The following MYO7A variants were observed in gnomAD, a reference collection of about 807,000 sequenced individuals.
MYO7A encodes myosin VIIA, also known as unconventional myosin-VIIa.
Under a neutral mutation model 263.8 loss-of-function variants are expected in MYO7A, and 210 were observed. That is an observed-to-expected ratio of 0.80 (90% confidence interval 0.71 to 0.89). The LOEUF (loss-of-function observed/expected upper bound fraction) is 0.89. Among genes scored for constraint, MYO7A ranks in the 40% least tolerant of loss-of-function variants. The probability of loss-of-function intolerance (pLI) is 0.00; values close to 1 mark genes in which losing one functional copy is unlikely to be tolerated. For missense variants in MYO7A, 2,820 were observed against 2,968.3 expected (o/e 0.95, Z 1.16); for synonymous variants, 1,239 against 1,197.3 (o/e 1.03, Z -0.72).
At chr11:77,169,134 C>T (rs1271702561) in intron 15 of MYO7A, among the ~76,000 whole-genome samples, 1 of 152,236 alleles carries the variant, frequency 6.6e-6, no homozygotes, top group East Asian at 1.9e-4. Flanking sequence ...TATTCAATGA[C>T]AGTGTACTAG....
chr11:77,211,269 C>G lies in MYO7A; in HGVS notation c.6169C>G (p.Pro2057Ala), dbSNP rs777852030. ...GGACAAGTCCTACTTCCCCAGCATC[C>G]CCAAGCTGCTGCGGGAGCTGGTGCC... ...EEDKSYFPSI[P>A]KLLRELVPQD... The change falls in exon 45 of 49, where the codon CCC becomes GCC. Residue 2057 changes from proline (P) to alanine (A), a missense_variant. Physicochemically the swap from Pro to Ala is conservative, Grantham distance 27. Coordinates refer to ENST00000409709, the MANE Select transcript of MYO7A (RefSeq NM_000260.4). The G allele has an allele frequency of 6.3e-7, 1 of 1,581,000 alleles. No individual in the cohort carries two copies.
chr11:77,192,934 T>TGGTGGAGGTAGTGATGGTGTTG (rs1956241538), intron 31 of MYO7A, among the ~76,000 whole-genome samples: 2 of 3,476 alleles, frequency 5.8e-4, no homozygotes, highest in African/African-American at 1.8e-3. Flanking sequence ...TGGTGTTGTT[T>TGGTGGAGGTAGTGATGGTGTTG]GTGATGGTGG....
In MYO7A at chr11:77,199,672, G is replaced by C. The variant is rs756907356; in HGVS notation, c.4706G>C (p.Ser1569Thr). The change falls in exon 35 of 49, where the codon AGC (serine) becomes ACC (threonine). Residue 1569 changes from serine (S) to threonine (T), a missense_variant. Ser to Thr is a moderately conservative substitution (Grantham distance 58). Coordinates refer to ENST00000409709, the MANE Select transcript of MYO7A (RefSeq NM_000260.4). Reference protein sequence around the residue: ...SCRGAKTTAPSFTLATIKGDE... With the variant: ...SCRGAKTTAPTFTLATIKGDE... ...AGGGGAGCGAAAACGACGGCCCCCA[G>C]CTTCACGCTGGCCACCATCAAGGGG... 1 of 1,613,292 alleles carries C rather than the reference G, an allele frequency of 6.2e-7. No homozygotes were observed. The highest frequency in any genetic ancestry group is 8.5e-7 in the Non-Finnish European group (1 of 1,179,806).
intron 4 of MYO7A, among the ~76,000 whole-genome samples, chr11:77,152,862 C>G (rs1039478635): frequency 1.3e-5 from 2 of 152,046 alleles, no homozygotes; most frequent in African/African-American, 4.8e-5. Flanking sequence ...AAGGAATTAT[C>G]TGGACGAAGG....
At position 77,147,826 on chromosome 11, in the gene MYO7A, C is replaced by G. The variant is rs782568869; in HGVS notation, c.161C>G (p.Thr54Arg). 6.2e-7 allele frequency: 1 copy of G among 1,610,504 alleles called. No homozygotes were observed. The highest frequency in any genetic ancestry group is 8.5e-7 in the Non-Finnish European group (1 of 1,178,970). ...NEHWISPQNA[T>R]HIKPMHPTSV... ...CACTGGATCTCTCCGCAGAACGCAACGCACATCAAGCCTATGCACCCCACG... is the reference window on the plus strand; with the variant it reads ...CACTGGATCTCTCCGCAGAACGCAAGGCACATCAAGCCTATGCACCCCACG... The change falls in exon 4 of 49, where the codon ACG (threonine) becomes AGG (arginine). Residue 54 changes from threonine (T) to arginine (R), a missense_variant. Physicochemically the swap from Thr to Arg is moderately conservative, Grantham distance 71. Transcript: ENST00000409709.
At chr11:77,182,978 C>T (rs895172242) in intron 25 of MYO7A, 90 bp from the exon 26 acceptor site, 9 of 1,130,910 alleles carry the variant, frequency 8.0e-6, no homozygotes, top group African/African-American at 4.6e-5. Context: ...CACGTGGAAG[C>T]GAGACGGTTC....
In MYO7A at chr11:77,179,738, C is replaced by A; in HGVS notation, c.2371C>A (p.Arg791Ser). 2 of 1,540,116 alleles carry A rather than the reference C, an allele frequency of 1.3e-6. No homozygotes were observed. Among genetic ancestry groups the A allele is most frequent in the Non-Finnish European group, 1.8e-6 (2 of 1,141,846 alleles). Residue 791 changes from arginine (R) to serine (S), a missense_variant, in exon 21 of 49, where the codon CGT (arginine) becomes AGT (serine). Coordinates refer to ENST00000409709, the MANE Select transcript of MYO7A (RefSeq NM_000260.4). ...CATGGGGTGGCTGTCCTTGCAGATG[C>A]GTCTGGGCTTCCTGCGGCTGCAGGC... ...HNCRKNYGLM[R>S]LGFLRLQALH...
chr11:77,156,637 C>A (rs782471604), intron 5 of MYO7A, 23 bp from the exon 6 acceptor site: 4 of 1,611,806 alleles, frequency 2.5e-6, no homozygotes, highest in Non-Finnish European at 3.4e-6. Context: ...TGTGACAGGT[C>A]CTGCCACTCC....
At chr11:77,193,367 A>C (rs1956372349) in intron 31 of MYO7A, among the ~76,000 whole-genome samples, 1 of 140,546 alleles carries the variant, frequency 7.1e-6, no homozygotes, top group Admixed American at 7.0e-5. Flanking sequence ...GTTGACAATG[A>C]CAGTGTTGTT....
At chr11:77,192,907 ATGG>A (rs1956221926) in intron 31 of MYO7A, among the ~76,000 whole-genome samples, 4 of 1,600 alleles carry the variant, frequency 2.5e-3, no homozygotes, top group African/African-American at 8.1e-3. Context: ...GGTGTTGGTG[ATGG>A]TGGAGGGTAG....
At chr11:77,164,109 C>T (rs941032384) in intron 14 of MYO7A, among the ~76,000 whole-genome samples, 3 of 152,176 alleles carry the variant, frequency 2.0e-5, no homozygotes, top group African/African-American at 7.2e-5. Context: ...GAAGACCGTG[C>T]ATCTTCTTTT....
At chr11:77,211,986 A>C in intron 46 of MYO7A, 49 bp downstream of exon 46, 1 of 1,458,780 alleles carries the variant, frequency 6.9e-7, no homozygotes, top group Non-Finnish European at 9.6e-7. Flanking sequence ...CAGGGCATTG[A>C]TAAAGCACAG....
At position 77,130,516 on chromosome 11, in the gene MYO7A, G is replaced by T. The variant is rs528175173; in HGVS notation, c.-46-73G>T. 5.7e-6 allele frequency: 7 copies of T among 1,222,680 alleles called. No individual in the cohort carries two copies. The African/African-American group carries it at 9.0e-5, about 16-fold the overall frequency. 75.7% of individuals were successfully genotyped at this position (1,222,680 alleles called of 1,614,324 possible). ...GAGCTGGGGCTTTGGGAGGAGCCCA[G>T]GTGACCCCAGCCAGGCTCAAGGCTT... is the stretch of plus-strand genomic sequence containing the variant. On this transcript the variant is annotated intron_variant, in intron 1 of 48. Transcript: ENST00000409709.
intron 46 of MYO7A, 122 bp downstream of exon 46, chr11:77,212,059 G>T: frequency 1.2e-6 from 1 of 830,412 alleles, no homozygotes; most frequent in Non-Finnish European, 2.0e-6. Context: ...GGTGAGGGAA[G>T]GAGGGCAGCA....
intron 3 of MYO7A, among the ~76,000 whole-genome samples, chr11:77,146,950 A>G (rs1324640652): frequency 6.6e-6 from 1 of 152,094 alleles, no homozygotes; most frequent in African/African-American, 2.4e-5. Context: ...ATGCTCACCC[A>G]TCTGCCACCA....
intron 32 of MYO7A, 119 bp from the exon 33 acceptor site, chr11:77,197,362 G>A (rs755431237): frequency 4.0e-5 from 28 of 706,034 alleles, no homozygotes; most frequent in South Asian, 5.7e-5. Flanking sequence ...GCAAGGCCAC[G>A]ATGCACAGGA....
rs569204833 is a variant in MYO7A at position 77,189,395 on chromosome 11, G to A, written c.3555G>A (p.Lys1185=). 3.6e-5 allele frequency: 58 copies of A among 1,613,752 alleles called. No homozygotes were observed. Among genetic ancestry groups the A allele is most frequent in the Non-Finnish European group, 4.5e-5 (53 of 1,179,902 alleles). The change falls in exon 28 of 49, where the codon AAG becomes AAA. Residue 1185 remains lysine (K), a synonymous_variant. Transcript: ENST00000409709. ...ISKQLTHNPS[K]SSYARGWILV... ...AGCAGCTGACCCACAACCCCTCCAA[G>A]AGCAGCTATGCCCGGGGCTGGATTC...
intron 32 of MYO7A, among the ~76,000 whole-genome samples, chr11:77,195,482 C>T (rs1485408488): frequency 2.6e-5 from 4 of 152,254 alleles, no homozygotes; most frequent in Non-Finnish European, 4.4e-5. Context: ...CCACCCCCAC[C>T]TCCCTGAGGG....
At chr11:77,141,360 G>A (rs561640458) in intron 2 of MYO7A, among the ~76,000 whole-genome samples, 1 of 152,302 alleles carries the variant, frequency 6.6e-6, no homozygotes, top group East Asian at 1.9e-4. Flanking sequence ...GGTAGGGCCT[G>A]AAACCCAGTC....
Sources: allele counts gnomAD v4.1 joint callset (sites outside exome capture counted in the v4.1 genomes callset), GRCh38; gene constraint gnomAD v4.1.1; transcripts MANE v1.5; gene names NCBI Gene and HGNC (gene_info 2026-07-23, HGNC 2026-07-21).